Variants in MAP3K5 observed in about 807,000 individuals in gnomAD.
The protein encoded by MAP3K5 is ASK-1.
A neutral mutation model predicts 158.7 loss-of-function variants in MAP3K5; 56 were observed. The observed-to-expected ratio is 0.35, with a 90% confidence interval of 0.28 to 0.44. MAP3K5 has a LOEUF of 0.44. MAP3K5 is among the 20% of genes least tolerant of loss of function. The pLI, the probability that MAP3K5 is intolerant of heterozygous loss-of-function variation, is 1.00. For missense variants in MAP3K5, 1,294 were observed against 1,674.8 expected, an observed-to-expected ratio of 0.77 and a Z score of 3.97; for synonymous variants, 579 against 601.7, an observed-to-expected ratio of 0.96 and a Z score of 0.55.
rs767531634 is a variant in MAP3K5, at chr6:136,791,923, C to T, written c.235G>A (p.Gly79Ser). ...CCCCCGCCAACAGAGCTGCCCCGGCCTCGGGTGGCACTGCTCGAGGAGGTG... is the reference window on the plus strand; with the variant it reads ...CCCCCGCCAACAGAGCTGCCCCGGCTTCGGGTGGCACTGCTCGAGGAGGTG... ...AATSSSSATR[G>S]RGSSVGGGSR... The change falls in exon 1 of 30, where the codon GGC becomes AGC. Residue 79 changes from glycine to serine, a missense_variant. Gly to Ser is a moderately conservative substitution (Grantham distance 56). This residue lies in a region of MAP3K5 where 690 missense variants were observed against 870.5 expected (regional missense o/e 0.79). Coordinates refer to ENST00000359015, the MANE Select transcript of MAP3K5 (RefSeq NM_005923.4). 2 of 1,612,770 alleles carry T rather than the reference C, an allele frequency of 1.2e-6. No homozygotes were observed. Among genetic ancestry groups the T allele is most frequent in the Non-Finnish European group, 1.7e-6 (2 of 1,179,782 alleles).
intron 7 of MAP3K5, among the ~76,000 whole-genome samples, chr6:136,684,964 A>C (rs1780085833): frequency 6.6e-6 from 1 of 152,208 alleles, no homozygotes; most frequent in South Asian, 2.1e-4. Flanking sequence ...TCTGTCTCAC[A>C]TAAGAGTCAA....
At chr6:136,744,948 G>A (rs868651699) in intron 1 of MAP3K5, among the ~76,000 whole-genome samples, 56 of 152,124 alleles carry the variant, frequency 3.7e-4, no homozygotes, top group African/African-American at 1.3e-3. Flanking sequence ...GCAGAGCACC[G>A]ACTGCTTATT....
intron 23 of MAP3K5, among the ~76,000 whole-genome samples, chr6:136,586,818 G>C (rs1317767277): frequency 6.6e-6 from 1 of 152,108 alleles, no homozygotes; most frequent in Non-Finnish European, 1.5e-5. Context: ...ATATAAGCAG[G>C]CAGAAAAATG....
intron 26 of MAP3K5, among the ~76,000 whole-genome samples, 187 bp from the exon 27 acceptor site, chr6:136,562,802 C>T (rs1419619005): frequency 6.6e-6 from 1 of 150,574 alleles, no homozygotes; most frequent in East Asian, 2.0e-4. Context: ...TTCCAAGCAG[C>T]TGGGAATACA....
intron 2 of MAP3K5, among the ~76,000 whole-genome samples, chr6:136,708,745 C>T (rs1372205042): frequency 1.3e-5 from 2 of 152,100 alleles, no homozygotes; most frequent in African/African-American, 2.4e-5. Context: ...TGCGCACACA[C>T]AGAAATGGCT....
chr6:136,724,573 G>A (rs1047789735), intron 1 of MAP3K5, among the ~76,000 whole-genome samples: 4 of 151,974 alleles, frequency 2.6e-5, no homozygotes, highest in African/African-American at 9.7e-5. Flanking sequence ...AATGGTGCAA[G>A]CAAAGTAAGG....
chr6:136,722,550 C>A (rs893979285), intron 1 of MAP3K5, among the ~76,000 whole-genome samples: 2 of 151,856 alleles, frequency 1.3e-5, no homozygotes, highest in Non-Finnish European at 2.9e-5. Context: ...GCACATTAAA[C>A]CAACTATAAA....
At chr6:136,752,745 G>A (rs7740820) in intron 1 of MAP3K5, among the ~76,000 whole-genome samples, 3,469 of 152,268 alleles carry the variant, frequency 0.023, 128 homozygotes, top group African/African-American at 0.079. Context: ...TTTACTCCAG[G>A]AAGAAGATGA....
At chr6:136,625,604 C>T (rs1424662344) in intron 14 of MAP3K5, among the ~76,000 whole-genome samples, 1 of 152,208 alleles carries the variant, frequency 6.6e-6, no homozygotes, top group East Asian at 1.9e-4. Flanking sequence ...TTCAAATTAA[C>T]ACTTATTATA....
intron 15 of MAP3K5, among the ~76,000 whole-genome samples, chr6:136,619,084 A>G (rs539575482): frequency 6.6e-6 from 1 of 152,222 alleles, no homozygotes; most frequent in Non-Finnish European, 1.5e-5. Flanking sequence ...AGGCAGGGTG[A>G]AAGTCACGCA....
intron 7 of MAP3K5, among the ~76,000 whole-genome samples, chr6:136,689,010 T>G (rs945941387): frequency 6.6e-6 from 1 of 151,242 alleles, no homozygotes; most frequent in Admixed American, 6.6e-5. Flanking sequence ...AAAAAAAAAC[T>G]TGGTTAAGGC....
At chr6:136,754,134 C>A (rs989356317) in intron 1 of MAP3K5, among the ~76,000 whole-genome samples, 2 of 151,718 alleles carry the variant, frequency 1.3e-5, no homozygotes, top group Admixed American at 6.6e-5. Context: ...TTACCTGGGC[C>A]TGGTGGCGGG....
chr6:136,754,482 G>A (rs1288112785), intron 1 of MAP3K5, among the ~76,000 whole-genome samples: 1 of 151,938 alleles, frequency 6.6e-6, no homozygotes, highest in African/African-American at 2.4e-5. Context: ...GGAAGGCTGA[G>A]GCGGGTGGAA....
rs1228037144 is a variant in MAP3K5 at position 136,613,693 on chromosome 6, T to C, written c.2279-437A>G. On this transcript the variant is annotated intron_variant, in intron 16 of 29. Transcript: ENST00000359015. This position sits in a 1 kb window ranked among gnomAD's most constrained non-coding sequence, Gnocchi z 4.0. ...CTAAATCTCTTCCGCATTTTTGTCCTGTAAATGATTGGAGAAGACTGAATG... is the reference window on the plus strand; with the variant it reads ...CTAAATCTCTTCCGCATTTTTGTCCCGTAAATGATTGGAGAAGACTGAATG... Among the ~76,000 whole-genome samples, 1 of 152,146 alleles carries C rather than the reference T, an allele frequency of 6.6e-6. No individual in the cohort carries two copies. Among genetic ancestry groups the C allele is most frequent in the Non-Finnish European group, 1.5e-5 (1 of 68,016 alleles).
At chr6:136,784,644 G>A (rs1784763724) in intron 1 of MAP3K5, among the ~76,000 whole-genome samples, 1 of 152,174 alleles carries the variant, frequency 6.6e-6, no homozygotes, top group Admixed American at 6.6e-5. Context: ...AAGGTGGGAA[G>A]GGGCTGCAGG....
intron 15 of MAP3K5, among the ~76,000 whole-genome samples, chr6:136,620,223 T>G (rs990805302): frequency 2.0e-5 from 3 of 152,130 alleles, no homozygotes; most frequent in Non-Finnish European, 4.4e-5. Context: ...TGAGCTGAGA[T>G]GGGGCCACTG....
chr6:136,699,161 A>G (rs1780738768), intron 3 of MAP3K5, among the ~76,000 whole-genome samples: 1 of 152,052 alleles, frequency 6.6e-6, no homozygotes, highest in Non-Finnish European at 1.5e-5. Context: ...TCTCCCCACT[A>G]CTAAAACTAC....
intron 1 of MAP3K5, among the ~76,000 whole-genome samples, chr6:136,751,078 T>A (rs1644994119): frequency 6.6e-6 from 1 of 151,994 alleles, no homozygotes; most frequent in African/African-American, 2.4e-5. Context: ...CCGAGTAGCA[T>A]TCTTTTGCTC....
At chr6:136,679,990 A>G (rs1779862507) in intron 7 of MAP3K5, among the ~76,000 whole-genome samples, 1 of 152,180 alleles carries the variant, frequency 6.6e-6, no homozygotes, top group African/African-American at 2.4e-5. Context: ...AAGAAAATTC[A>G]GACATATGCT....
Sources: allele counts gnomAD v4.1 joint callset (sites outside exome capture counted in the v4.1 genomes callset), GRCh38; gene constraint gnomAD v4.1.1; regional missense constraint gnomAD v4.1.1; non-coding constraint Gnocchi (gnomAD v3.1); transcripts MANE v1.5; gene names NCBI Gene and HGNC (gene_info 2026-07-23, HGNC 2026-07-21).